NSG1: variants seen among roughly 807,000 people sequenced by gnomAD.
The protein encoded by NSG1 is neuronal vesicle trafficking associated 1, also known as neuronal vesicle trafficking-associated protein 1.
Under a neutral mutation model 19.3 loss-of-function variants are expected in NSG1, and 9 were observed. The ratio of observed to expected loss-of-function variants is 0.47; its 90% CI spans 0.28 to 0.81. NSG1 has a LOEUF of 0.81. Among genes scored for constraint, NSG1 ranks in the 40% least tolerant of loss-of-function variants. NSG1 has a pLI of 0.11. For missense variants in NSG1, 236 were observed against 242.4 expected (o/e 0.97, Z 0.18); for synonymous variants, 104 against 107.0 (o/e 0.97, Z 0.17).
chr4:4,387,775 C>T lies in NSG1; in HGVS notation c.129+17C>T, dbSNP rs1363128509. ...CCGGATAAGGTAAGCCCCCCCACGC[C>T]CCTCCACGTTGCCGGGTGTGCACCC... On this transcript the variant is annotated intron_variant, in intron 2 of 4. Coordinates refer to ENST00000621129, the MANE Select transcript of NSG1 (RefSeq NM_014392.5). 6.3e-7 allele frequency: 1 copy of T among 1,585,654 alleles called. No homozygotes were observed. The highest frequency in any genetic ancestry group is 1.1e-5 in the South Asian group (1 of 90,250).
intron 3 of NSG1, among the ~76,000 whole-genome samples, chr4:4,403,528 C>T (rs1024766295): frequency 2.0e-5 from 3 of 152,208 alleles, no homozygotes. Context: ...TGCTCCCCTG[C>T]TAGGAGGACA....
Position 4,418,800 on chromosome 4 carries a change from G to A in NSG1, c.*1365G>A, listed in dbSNP as rs910445820. ...CTCATCAAGGGTGTCTGGAGACACA[G>A]ACCGTGACCTTGGCGCAGCGGTGTG... On this transcript the variant is annotated 3_prime_UTR_variant, in exon 5 of 5. Coordinates refer to ENST00000621129, the MANE Select transcript of NSG1 (RefSeq NM_014392.5). 2 of 152,518 alleles carry A rather than the reference G, an allele frequency of 1.3e-5. No individual in the cohort carries two copies. Among genetic ancestry groups the A allele is most frequent in the African/African-American group, 4.8e-5 (2 of 41,448 alleles). The allele number at this position is 152,518 out of a possible 1,614,324, so 9.4% of individuals were successfully genotyped here. A position where few individuals can be genotyped will look rare whatever the true frequency, so the allele number is the denominator to read the frequency against.
intron 3 of NSG1, among the ~76,000 whole-genome samples, chr4:4,405,460 G>A (rs541330578): frequency 1.6e-4 from 25 of 152,284 alleles, no homozygotes; most frequent in Non-Finnish European, 2.8e-4. Flanking sequence ...CCTGAGATGC[G>A]TCAGGGTGTA....
At chr4:4,392,891 C>T (rs10017186) in intron 3 of NSG1, among the ~76,000 whole-genome samples, 41,725 of 152,018 alleles carry the variant, frequency 0.27, 5,938 homozygotes, top group Admixed American at 0.32. Context: ...TCGTGTGTGC[C>T]GAGAGGCTCT....
intron 3 of NSG1, among the ~76,000 whole-genome samples, chr4:4,400,008 C>T (rs1389983699): frequency 6.6e-6 from 1 of 152,222 alleles, no homozygotes; most frequent in Non-Finnish European, 1.5e-5. Context: ...TGGTACTGGT[C>T]TGCAGCCCAG....
intron 3 of NSG1, among the ~76,000 whole-genome samples, chr4:4,405,405 T>C (rs966413258): frequency 6.6e-6 from 1 of 152,176 alleles, no homozygotes; most frequent in African/African-American, 2.4e-5. Context: ...GCATCTCTTT[T>C]TGAGGGGCCC....
At chr4:4,391,444 C>T in intron 2 of NSG1, 31 bp from the exon 3 acceptor site, 2 of 1,510,334 alleles carry the variant, frequency 1.3e-6, no homozygotes, top group Non-Finnish European at 1.8e-6. Flanking sequence ...CTGAATGCAT[C>T]TGACTTTTGT....
intron 4 of NSG1, among the ~76,000 whole-genome samples, chr4:4,410,385 G>A (rs1016490727): frequency 3.3e-5 from 5 of 152,240 alleles, no homozygotes; most frequent in African/African-American, 7.2e-5. Flanking sequence ...ACTTAGTGAC[G>A]GGAATACGTC....
At chr4:4,408,818 GC>G (rs1724006096) in intron 3 of NSG1, among the ~76,000 whole-genome samples, 1 of 152,172 alleles carries the variant, frequency 6.6e-6, no homozygotes, top group African/African-American at 2.4e-5. Flanking sequence ...CCGGGTGAGT[GC>G]CTTCAAGGTC....
In NSG1 at chr4:4,417,285, C is replaced by G. The variant is rs1199247783; in HGVS notation, c.408C>G (p.Asp136Glu). 3 of 1,614,180 alleles carry G rather than the reference C, an allele frequency of 1.9e-6. No homozygotes were observed. Among genetic ancestry groups the G allele is most frequent in the Admixed American group, 3.3e-5 (2 of 60,020 alleles). The change falls in exon 5 of 5, where the codon GAC (aspartate) becomes GAG (glutamate). Residue 136 changes from aspartate (D) to glutamate (E), a missense_variant. Physicochemically the swap from Asp to Glu is conservative, Grantham distance 45. Coordinates refer to ENST00000621129, the MANE Select transcript of NSG1 (RefSeq NM_014392.5). ...TGGAGAGCTACTACGCGGAGCAAGA[C>G]TCCAGTGCCCGGGAGAAATTTTACA... is the stretch of plus-strand genomic sequence containing the variant. ...EGLESYYAEQ[D>E]SSAREKFYTV... is the part of the protein sequence containing the mutation.
At chr4:4,391,663 C>G (rs571961837) in intron 3 of NSG1, 72 bp downstream of exon 3, 13 of 1,021,818 alleles carry the variant, frequency 1.3e-5, no homozygotes, top group Non-Finnish European at 1.9e-5. Context: ...CATAGATGCC[C>G]TGCAGGGAGG....
At chr4:4,389,905 G>A (rs1049878736) in intron 2 of NSG1, among the ~76,000 whole-genome samples, 2 of 152,190 alleles carry the variant, frequency 1.3e-5, no homozygotes, top group East Asian at 1.9e-4. Flanking sequence ...CTTTTAATGT[G>A]TTGATAATGC....
chr4:4,396,018 C>T (rs981604076), intron 3 of NSG1, among the ~76,000 whole-genome samples: 5 of 152,140 alleles, frequency 3.3e-5, no homozygotes, highest in African/African-American at 9.7e-5. Context: ...TGAGAGACTC[C>T]GCCACACGGG....
At chr4:4,412,027 C>T (rs189735995) in intron 4 of NSG1, among the ~76,000 whole-genome samples, 1 of 152,302 alleles carries the variant, frequency 6.6e-6, no homozygotes, top group African/African-American at 2.4e-5. Flanking sequence ...TGTATACCAG[C>T]ACCTCCGCAA....
chr4:4,403,014 C>T (rs1298106575), intron 3 of NSG1, among the ~76,000 whole-genome samples: 2 of 152,344 alleles, frequency 1.3e-5, no homozygotes, highest in Non-Finnish European at 2.9e-5. Context: ...GATGCGTAGA[C>T]GTTATTCTGG....
chr4:4,387,486 C>T (rs1474846652), intron 1 of NSG1, 118 bp from the exon 2 acceptor site: 1 of 663,538 alleles, frequency 1.5e-6, no homozygotes, highest in Non-Finnish European at 2.6e-6. Context: ...CTCCCCGAGA[C>T]GAAGCGGGGC....
chr4:4,392,467 G>A (rs758668514), intron 3 of NSG1, among the ~76,000 whole-genome samples: 6 of 152,146 alleles, frequency 3.9e-5, no homozygotes, highest in Non-Finnish European at 8.8e-5. Context: ...TGCTTGTGCT[G>A]GGGGCACAGG....
chr4:4,402,399 T>TAA lies in NSG1; in HGVS notation c.247-7174_247-7173insAA, dbSNP rs1577287368. Among the ~76,000 whole-genome samples, 18 of 63,494 alleles carry TAA rather than the reference T, an allele frequency of 2.8e-4. 1 individual carries two copies. The highest frequency in any genetic ancestry group is 1.4e-3 in the East Asian group (2 of 1,400). 41.7% of individuals were successfully genotyped at this position (63,494 alleles called of 152,430 possible). A position where few individuals can be genotyped will look rare whatever the true frequency, so the allele number is the denominator to read the frequency against. On this transcript the variant is annotated intron_variant, in intron 3 of 4. Coordinates refer to ENST00000621129, the MANE Select transcript of NSG1 (RefSeq NM_014392.5). ...TTTTTTTTTTTTTTTTTTTTTTTTT[T>TAA]TTTTTTGAGACGGAGTCTTGCTCTG...
chr4:4,398,868 T>G (rs1431111830), intron 3 of NSG1, among the ~76,000 whole-genome samples: 1 of 152,234 alleles, frequency 6.6e-6, no homozygotes, highest in Non-Finnish European at 1.5e-5. Flanking sequence ...TTACCAAACT[T>G]CTCCACAGAG....
Sources: gnomAD v4.1 joint callset for allele counts (sites outside exome capture counted in the v4.1 genomes callset) on GRCh38, gnomAD v4.1.1 for gene constraint, MANE v1.5 for transcripts, NCBI Gene and HGNC (gene_info 2026-07-23, HGNC 2026-07-21) for gene names.